Variants in MCF2 observed in about 807,000 individuals in gnomAD.
MCF2 encodes the protein proto-oncogene DBL.
A neutral mutation model predicts 82.5 loss-of-function variants in MCF2; 44 were observed. The ratio of observed to expected loss-of-function variants is 0.53; its 90% CI spans 0.42 to 0.69. MCF2 has a LOEUF of 0.69. Ranked by LOEUF, MCF2 falls within the 30% of genes least tolerant of loss-of-function variation. The pLI, the probability that MCF2 is intolerant of heterozygous loss-of-function variation, is 0.00. For synonymous variants in MCF2, 217 were observed against 224.9 expected (o/e 0.96, Z 0.32); for missense variants, 623 against 663.1 (o/e 0.94, Z 0.66).
chrX:139,707,435 A>T (rs1033748363), intron 1 of MCF2, among the ~76,000 whole-genome samples: 2 of 111,287 alleles, frequency 1.8e-5, no homozygotes, highest in Non-Finnish European at 1.9e-5. Flanking sequence ...ATTGCCCTCA[A>T]GACCTCCCAT....
chrX:139,629,555 AT>A (rs1335949416), intron 4 of MCF2, 139 bp downstream of exon 7: 18 of 492,304 alleles, frequency 3.7e-5, no homozygotes, highest in East Asian at 1.2e-4. Context: ...ATAAAGTATA[AT>A]TTTTTTTAGT....
chrX:139,645,966 A>G (rs986161027), upstream of MCF2, among the ~76,000 whole-genome samples: 6 of 111,664 alleles, frequency 5.4e-5, no homozygotes, highest in African/African-American at 1.9e-4. Flanking sequence ...GAAAACTCAA[A>G]AGATAAGTGT....
intron 6 of MCF2, among the ~76,000 whole-genome samples, chrX:139,622,884 TAATAA>T (rs947111697): frequency 2.8e-5 from 3 of 108,945 alleles, no homozygotes; most frequent in African/African-American, 1.0e-4. Context: ...AGTATAATAA[TAATAA>T]AATAAAAAAA....
chrX:139,695,545 G>A (rs1032841358), intron 1 of MCF2, among the ~76,000 whole-genome samples: 1 of 111,802 alleles, frequency 8.9e-6, no homozygotes, highest in African/African-American at 3.3e-5. Flanking sequence ...ACATGGAGTG[G>A]ATGGATAGAT....
intron 1 of MCF2, among the ~76,000 whole-genome samples, chrX:139,639,898 A>T (rs974228184): frequency 8.9e-6 from 1 of 111,949 alleles, no homozygotes; most frequent in African/African-American, 3.2e-5. Context: ...TAACAATAAG[A>T]GAGACCCTTG....
At chrX:139,679,180 C>T (rs763726341) in intron 1 of MCF2, among the ~76,000 whole-genome samples, 2 of 112,324 alleles carry the variant, frequency 1.8e-5, no homozygotes, top group Non-Finnish European at 3.8e-5. Flanking sequence ...CATTTTACCA[C>T]GTGCTTACAG....
chrX:139,620,230 G>A (rs1014446697), intron 6 of MCF2, among the ~76,000 whole-genome samples: 1 of 109,818 alleles, frequency 9.1e-6, no homozygotes, highest in Non-Finnish European at 1.9e-5. Flanking sequence ...GGAAATAACT[G>A]ATTCCAGGGT....
intron 1 of MCF2, among the ~76,000 whole-genome samples, chrX:139,656,395 G>A (rs1393206602): frequency 8.9e-6 from 1 of 112,314 alleles, no homozygotes; most frequent in Non-Finnish European, 1.9e-5. Flanking sequence ...TACATTCTAT[G>A]AGATCCAACA....
In MCF2 at chrX:139,586,437, G is replaced by A. The variant is rs201181200; in HGVS notation, c.2573C>T (p.Thr858Ile). The A allele has an allele frequency of 2.2e-4, 271 of 1,208,272 alleles. 1 individual carries two copies. The highest frequency in any genetic ancestry group is 3.4e-5 in the Non-Finnish European group (30 of 894,162). The change falls in exon 23 of 25, where the codon ACC becomes ATC. Residue 858 changes from threonine (T) to isoleucine (I), a missense_variant. Coordinates refer to ENST00000370576, the Ensembl canonical transcript of MCF2. Reference sequence around the variant, plus strand: ...CTCACAGACCTCCACCACAGTGCTGGTGTGTTCCAATTCAGTTTCCTCAGT... The same window carrying A: ...CTCACAGACCTCCACCACAGTGCTGATGTGTTCCAATTCAGTTTCCTCAGT...
At chrX:139,605,951 CTATA>C (rs368129525) in intron 12 of MCF2, among the ~76,000 whole-genome samples, 172 bp from the exon 17 acceptor site, 1 of 103,931 alleles carries the variant, frequency 9.6e-6, no homozygotes, top group African/African-American at 3.5e-5. Flanking sequence ...AGAATAAAAA[CTATA>C]TATATATATA....
At chrX:139,600,459 C>T (rs1930455607) in intron 16 of MCF2, among the ~76,000 whole-genome samples, 1 of 110,967 alleles carries the variant, frequency 9.0e-6, no homozygotes, top group South Asian at 3.8e-4. Flanking sequence ...AACACAGGCC[C>T]TATGGACCAA....
At position 139,659,617 on chromosome X, in the gene MCF2, T is replaced by C. The variant is rs150721888; in HGVS notation, c.-44-7829A>G. Among the ~76,000 whole-genome samples, 960 of 111,978 alleles carry C rather than the reference T, an allele frequency of 8.6e-3. 13 individuals carry two copies. Among genetic ancestry groups the C allele is most frequent in the African/African-American group, 0.029 (891 of 30,802 alleles). ...ATATACAATAGAAAAATATGAGTTC[T>C]GAACCAGGCTGCACACACGTGCCAT... On this transcript the variant is annotated intron_variant, in intron 1 of 27. Coordinates refer to the MCF2 transcript ENST00000414978.
At chrX:139,654,036 T>C (rs1934117768) in intron 1 of MCF2, among the ~76,000 whole-genome samples, 1 of 112,030 alleles carries the variant, frequency 8.9e-6, no homozygotes, top group South Asian at 3.7e-4. Context: ...TCTTTATCCA[T>C]TCATCTGTTG....
At chrX:139,587,479 T>G (rs764404429) in intron 22 of MCF2, among the ~76,000 whole-genome samples, 1 of 111,828 alleles carries the variant, frequency 8.9e-6, no homozygotes, top group East Asian at 2.8e-4. Flanking sequence ...TCCAATGATA[T>G]ATTAAAAATA....
chrX:139,598,059 G>T (rs1930245539), intron 17 of MCF2, among the ~76,000 whole-genome samples: 1 of 111,959 alleles, frequency 8.9e-6, no homozygotes, highest in African/African-American at 3.2e-5. Context: ...TCATTAGGAA[G>T]GCCCCTATGA....
intron 1 of MCF2, among the ~76,000 whole-genome samples, chrX:139,701,522 G>A (rs1935497961): frequency 8.9e-6 from 1 of 111,955 alleles, no homozygotes; most frequent in Non-Finnish European, 1.9e-5. Context: ...CCTCAAGTCT[G>A]AAGTGCCAAC....
intron 10 of MCF2, among the ~76,000 whole-genome samples, chrX:139,611,464 T>G (rs1016249873): frequency 2.7e-5 from 3 of 112,281 alleles, no homozygotes; most frequent in Non-Finnish European, 5.6e-5. Context: ...AAAGGTAACT[T>G]AAGAGGCAAT....
At chrX:139,640,961 CA>C (rs1204470565) in intron 1 of MCF2, among the ~76,000 whole-genome samples, 1 of 110,498 alleles carries the variant, frequency 9.0e-6, no homozygotes, top group Non-Finnish European at 1.9e-5. Flanking sequence ...AATTTCTTTT[CA>C]AAATAGTCAT....
rs552337754 is a variant in MCF2, at chrX:139,582,969, C to T, written c.2746-466G>A. ...TTATTATTAGTCTAAGCCTGAGATT[C>T]CCAAAGTGTGGGAGACAGACTGTTG... On this transcript the variant is annotated intron_variant, in intron 24 of 24. Coordinates refer to ENST00000370576, the Ensembl canonical transcript of MCF2. Among the ~76,000 whole-genome samples the T allele has an allele frequency of 6.3e-5, 7 of 111,756 alleles. No individual in the cohort carries two copies. The South Asian group carries it at 2.6e-3, about 42-fold the overall frequency.
Sources: gnomAD v4.1 joint callset for allele counts (sites outside exome capture counted in the v4.1 genomes callset) on GRCh38, gnomAD v4.1.1 for gene constraint, MANE v1.5 for transcripts, NCBI Gene and HGNC (gene_info 2026-07-23, HGNC 2026-07-21) for gene names.